Variants in SDK1 observed in about 807,000 individuals in gnomAD.
SDK1 encodes the protein sidekick cell adhesion molecule 1, also known as protein sidekick-1.
In SDK1, 157 loss-of-function variants were observed where a neutral mutation model predicts 245.5. The observed-to-expected ratio is 0.64, with a 90% confidence interval of 0.56 to 0.73. SDK1 has a LOEUF of 0.73. Ranked by LOEUF, SDK1 falls within the 30% of genes least tolerant of loss-of-function variation. The pLI is 0.00. For synonymous variants in SDK1, 1,647 were observed against 1,278.5 expected (o/e 1.29, Z -6.15); for missense variants, 3,583 against 3,002.3 (o/e 1.19, Z -4.52).
chr7:3,514,705 G>T (rs924810182), intron 1 of SDK1, among the ~76,000 whole-genome samples: 1 of 152,148 alleles, frequency 6.6e-6, no homozygotes, highest in Non-Finnish European at 1.5e-5. Flanking sequence ...TCTGAATATT[G>T]CCAAGTAGTA....
intron 1 of SDK1, among the ~76,000 whole-genome samples, chr7:3,602,140 G>T (rs565354034): frequency 6.6e-6 from 1 of 151,864 alleles, no homozygotes; most frequent in Non-Finnish European, 1.5e-5. Flanking sequence ...ATAAACATAC[G>T]TGTGCATGTG....
chr7:3,755,991 A>G (rs1220036810), intron 4 of SDK1, among the ~76,000 whole-genome samples: 1 of 151,880 alleles, frequency 6.6e-6, no homozygotes, highest in South Asian at 2.1e-4. Context: ...ACACATGCAT[A>G]TCTTTGATGT....
At chr7:3,992,741 C>G (rs745452608) in intron 14 of SDK1, among the ~76,000 whole-genome samples, 1 of 152,198 alleles carries the variant, frequency 6.6e-6, no homozygotes, top group Non-Finnish European at 1.5e-5. Context: ...AGTGTCTCAT[C>G]TAGCGCCCTT....
At chr7:3,721,855 G>C (rs1475773691) in intron 4 of SDK1, among the ~76,000 whole-genome samples, 1 of 151,978 alleles carries the variant, frequency 6.6e-6, no homozygotes, top group Admixed American at 6.5e-5. Flanking sequence ...ATGAACTGTC[G>C]GCCATCCTTA....
chr7:4,232,801 T>G (rs994481536), intron 40 of SDK1: 1 of 153,494 alleles, frequency 6.5e-6, no homozygotes, highest in Non-Finnish European at 1.5e-5. Context: ...TGATCACATT[T>G]CTTTTGCTCT....
At chr7:4,236,440 C>G (rs1185317297) in intron 41 of SDK1, among the ~76,000 whole-genome samples, 1 of 152,148 alleles carries the variant, frequency 6.6e-6, no homozygotes, top group Non-Finnish European at 1.5e-5. Context: ...CATCTAAAGA[C>G]AGGGCCAGTC....
chr7:3,530,435 T>C (rs1412686522), intron 1 of SDK1, among the ~76,000 whole-genome samples: 3 of 152,192 alleles, frequency 2.0e-5, no homozygotes, highest in Non-Finnish European at 4.4e-5. Context: ...GGAAAATTTG[T>C]CTTTTGTAAT....
intron 11 of SDK1, among the ~76,000 whole-genome samples, chr7:3,970,138 C>G (rs955799183): frequency 2.0e-5 from 3 of 152,208 alleles, no homozygotes; most frequent in Admixed American, 2.0e-4. Flanking sequence ...CTACTAAAAA[C>G]TCATATTCAA....
intron 1 of SDK1, among the ~76,000 whole-genome samples, chr7:3,369,508 CAG>C (rs530029755): frequency 1.6e-3 from 251 of 152,258 alleles, no homozygotes; most frequent in African/African-American, 5.9e-3. Flanking sequence ...CTCTTACATA[CAG>C]AGTGTTCTGA....
In SDK1 at chr7:4,012,188, A is replaced by AC; in HGVS notation, c.2378dup (p.Glu794ArgfsTer49). 6.4e-7 allele frequency: 1 copy of AC among 1,570,844 alleles called. No homozygotes were observed. The highest frequency in any genetic ancestry group is 8.6e-7 in the Non-Finnish European group (1 of 1,159,432). On this transcript the variant is annotated frameshift_variant, in exon 16 of 45. Coordinates refer to ENST00000404826, the MANE Select transcript of SDK1 (RefSeq NM_152744.4). LOFTEE classifies it high-confidence loss of function. ...AGTCCATTATGGTCCAGTGGCAGCC[A>AC]CCCCCAGAAACAGAGCACAACGGGG... is the stretch of plus-strand genomic sequence containing the variant.
At chr7:3,784,278 C>T (rs532024663) in intron 4 of SDK1, among the ~76,000 whole-genome samples, 2 of 151,640 alleles carry the variant, frequency 1.3e-5, no homozygotes, top group African/African-American at 2.4e-5. Context: ...AAAGGATATC[C>T]CCTTCAATAA....
intron 1 of SDK1, among the ~76,000 whole-genome samples, chr7:3,499,252 A>G (rs1253295103): frequency 6.6e-6 from 1 of 152,228 alleles, no homozygotes; most frequent in Non-Finnish European, 1.5e-5. Context: ...TAATTCAACA[A>G]TCATTTGTGC....
intron 1 of SDK1, among the ~76,000 whole-genome samples, chr7:3,495,958 A>G (rs1782012504): frequency 6.6e-6 from 1 of 152,222 alleles, no homozygotes; most frequent in African/African-American, 2.4e-5. Context: ...AATTTTGCAT[A>G]CAACTAGAAC....
intron 21 of SDK1, among the ~76,000 whole-genome samples, 195 bp downstream of exon 21, chr7:4,077,384 C>T (rs1313317708): frequency 6.6e-6 from 1 of 152,254 alleles, no homozygotes; most frequent in East Asian, 1.9e-4. Flanking sequence ...TCCACCACGG[C>T]CTCACGTCCC....
At chr7:4,129,682 C>T in intron 26 of SDK1, 4 of 1,393,144 alleles carry the variant, frequency 2.9e-6, no homozygotes, top group Non-Finnish European at 2.8e-6. Flanking sequence ...CTCGCCAAGC[C>T]GTGGGCACTA....
At chr7:4,073,440 A>G (rs1780392709) in intron 20 of SDK1, among the ~76,000 whole-genome samples, 1 of 152,190 alleles carries the variant, frequency 6.6e-6, no homozygotes, top group Non-Finnish European at 1.5e-5. Flanking sequence ...ATCAATGTTG[A>G]TCCTAATAAA....
At chr7:3,838,256 A>G (rs1002699590) in intron 5 of SDK1, among the ~76,000 whole-genome samples, 3 of 152,224 alleles carry the variant, frequency 2.0e-5, no homozygotes, top group Non-Finnish European at 4.4e-5. Context: ...CACGGAAGTT[A>G]GGGAAGTCAA....
intron 1 of SDK1, among the ~76,000 whole-genome samples, chr7:3,401,975 G>A (rs1778900757): frequency 6.6e-6 from 1 of 152,084 alleles, no homozygotes; most frequent in Admixed American, 6.6e-5. Flanking sequence ...TCGATTAGGA[G>A]GTAAGAACAC....
chr7:3,350,566 C>G (rs1780633360), intron 1 of SDK1, among the ~76,000 whole-genome samples: 3 of 152,110 alleles, frequency 2.0e-5, no homozygotes, highest in South Asian at 4.1e-4. Flanking sequence ...AATTGATTGT[C>G]TTTAACTTTG....
Sources: gnomAD v4.1 joint callset for allele counts (sites outside exome capture counted in the v4.1 genomes callset) on GRCh38, gnomAD v4.1.1 for gene constraint, MANE v1.5 for transcripts, NCBI Gene and HGNC (gene_info 2026-07-23, HGNC 2026-07-21) for gene names.